Variants in SPDEF observed in about 807,000 individuals in gnomAD.
The protein encoded by SPDEF is SAM pointed domain containing ETS transcription factor.
Under a neutral mutation model 36.0 loss-of-function variants are expected in SPDEF, and 12 were observed. The observed-to-expected ratio is 0.33, with a 90% confidence interval of 0.21 to 0.54. The LOEUF (loss-of-function observed/expected upper bound fraction) is 0.54, where lower values mean the gene tolerates loss of function less well. SPDEF is among the 20% of genes least tolerant of loss of function. The pLI, the probability that SPDEF is intolerant of heterozygous loss-of-function variation, is 0.93. For missense variants in SPDEF, 388 were observed against 456.9 expected, an observed-to-expected ratio of 0.85 and a Z score of 1.37; for synonymous variants, 205 against 193.0, an observed-to-expected ratio of 1.06 and a Z score of -0.51.
chr6:34,553,717 G>C (rs1208006606), intron 1 of SPDEF, among the ~76,000 whole-genome samples: 1 of 152,048 alleles, frequency 6.6e-6, no homozygotes, highest in Non-Finnish European at 1.5e-5. Context: ...GGGAGCAAAG[G>C]AAGAAGCGGA....
Position 34,538,757 on chromosome 6 carries a change from C to T in SPDEF, c.830-305G>A, listed in dbSNP as rs1020455090. ...CCTTAGTGGGTTCCCTGGGGCCCTG[C>T]AGGCCTGGCCCTTGCCAACTCCTGC... On this transcript the variant is annotated intron_variant, in intron 5 of 5. Transcript: ENST00000374037. This position sits in a 1 kb window ranked among gnomAD's most constrained non-coding sequence, Gnocchi z 5.9. Among the ~76,000 whole-genome samples the T allele has an allele frequency of 1.3e-5, 2 of 152,226 alleles. No homozygotes were observed. Among genetic ancestry groups the T allele is most frequent in the Non-Finnish European group, 2.9e-5 (2 of 68,026 alleles).
Position 34,539,453 on chromosome 6 carries a change from T to C in SPDEF, c.683-57A>G. On this transcript the variant is annotated intron_variant, in intron 4 of 5. Coordinates refer to ENST00000374037, the MANE Select transcript of SPDEF (RefSeq NM_012391.3). This position sits in a 1 kb window ranked among gnomAD's most constrained non-coding sequence, Gnocchi z 5.2. The stretch of plus-strand genomic sequence containing the variant: ...GAATGGGAGGCCAGTCCCGGCTTCA[T>C]TGGCAGCCACCCCTCCACCCCACCC... 7 of 1,610,964 alleles carry C rather than the reference T, an allele frequency of 4.3e-6. No individual in the cohort carries two copies. The highest frequency in any genetic ancestry group is 3.3e-5 in the South Asian group (3 of 90,976).
In SPDEF at chr6:34,545,018, CG is replaced by C. The variant is rs1248194254; in HGVS notation, c.-29-535del. On this transcript the variant is annotated intron_variant, in intron 1 of 5. Coordinates refer to ENST00000374037, the MANE Select transcript of SPDEF (RefSeq NM_012391.3). ...CAGGGGAAAGACGAGAGGAACAAGG[CG>C]GGGTAGAAACCCTCCCACACGCCGG... 2.0e-5 allele frequency among the ~76,000 whole-genome samples: 3 copies of C among 152,294 alleles called. No individual in the cohort carries two copies. The South Asian group carries it at 6.2e-4, about 32-fold the overall frequency.
chr6:34,549,143 G>T (rs529161507), intron 1 of SPDEF, among the ~76,000 whole-genome samples: 1 of 152,166 alleles, frequency 6.6e-6, no homozygotes, highest in Admixed American at 6.5e-5. Context: ...CCCAAACCTC[G>T]AGTTGATCTC....
At chr6:34,545,168 G>A (rs935821472) in intron 1 of SPDEF, among the ~76,000 whole-genome samples, 7 of 152,206 alleles carry the variant, frequency 4.6e-5, no homozygotes, top group Non-Finnish European at 2.9e-5. Context: ...CAGGCTGGGT[G>A]CATGGTACCC....
Position 34,555,434 on chromosome 6 carries a change from C to T in SPDEF, c.-30+495G>A, listed in dbSNP as rs1490962060. Among the ~76,000 whole-genome samples, 1 of 152,168 alleles carries T rather than the reference C, an allele frequency of 6.6e-6. No individual in the cohort carries two copies. Among genetic ancestry groups the T allele is most frequent in the Non-Finnish European group, 1.5e-5 (1 of 68,028 alleles). The stretch of plus-strand genomic sequence containing the variant: ...CTACTGGGCTCTGGACCTGTCTCCC[C>T]TGTCCCGAACTGGACCCGGCCTTAG... On this transcript the variant is annotated intron_variant, in intron 1 of 5. Transcript: ENST00000374037. This position sits in a 1 kb window ranked among gnomAD's most constrained non-coding sequence, Gnocchi z 5.2.
intron 2 of SPDEF, 79 bp from the exon 3 acceptor site, chr6:34,541,260 G>A: frequency 7.2e-7 from 1 of 1,395,852 alleles, no homozygotes; most frequent in South Asian, 1.3e-5. Flanking sequence ...ATGGGAACCT[G>A]TGGCCTGAGA....
At position 34,544,629 on chromosome 6, in the gene SPDEF, G is replaced by A. The variant is rs964014406; in HGVS notation, c.-29-145C>T. 2.7e-5 allele frequency: 17 copies of A among 631,456 alleles called. No homozygotes were observed. Among genetic ancestry groups the A allele is most frequent in the African/African-American group, 1.8e-4 (10 of 54,284 alleles). 39.1% of individuals were successfully genotyped at this position (631,456 alleles called of 1,614,324 possible). On this transcript the variant is annotated intron_variant, in intron 1 of 5. Transcript: ENST00000374037. This position sits in a 1 kb window ranked among gnomAD's most constrained non-coding sequence, Gnocchi z 4.4. Reference sequence around the variant, plus strand: ...GGCTTCCGGGTCATTGGGCAGCCACGACATGGTTGGGCAGACAGGCCTTCT... The same window carrying A: ...GGCTTCCGGGTCATTGGGCAGCCACAACATGGTTGGGCAGACAGGCCTTCT...
rs1434904695 is a variant in SPDEF at position 34,538,531 on chromosome 6, G to A, written c.830-79C>T. Reference sequence around the variant, plus strand: ...GAGAAAGACGCAGACCACCAGGTCAGCCTCGTGGCGAACCAAGGGACCCCG... The same window carrying A: ...GAGAAAGACGCAGACCACCAGGTCAACCTCGTGGCGAACCAAGGGACCCCG... On this transcript the variant is annotated intron_variant, in intron 5 of 5. Transcript: ENST00000374037. The surrounding 1 kb of genome is among the most constrained non-coding windows in gnomAD (Gnocchi z 5.9). 3 of 1,451,930 alleles carry A rather than the reference G, an allele frequency of 2.1e-6. No individual in the cohort carries two copies. The highest frequency in any genetic ancestry group is 2.8e-6 in the Non-Finnish European group (3 of 1,072,882). The allele number at this position is 1,451,930 out of a possible 1,614,324, so 89.9% of individuals were successfully genotyped here.
chr6:34,542,607 G>C (rs754333698), intron 2 of SPDEF, among the ~76,000 whole-genome samples: 11 of 152,210 alleles, frequency 7.2e-5, no homozygotes, highest in African/African-American at 2.7e-4. Flanking sequence ...ACTGCTTTTC[G>C]GCCCAGAGAG....
chr6:34,542,904 AAAG>A (rs1198139992), intron 2 of SPDEF, among the ~76,000 whole-genome samples: 3 of 149,352 alleles, frequency 2.0e-5, no homozygotes, highest in South Asian at 2.1e-4. Context: ...AAAAAAAAAA[AAAG>A]AAGAGGCTGG....
intron 1 of SPDEF, among the ~76,000 whole-genome samples, chr6:34,551,083 G>A (rs1445433978): frequency 1.3e-5 from 2 of 152,326 alleles, no homozygotes; most frequent in South Asian, 4.1e-4. Context: ...CTGCTACGGG[G>A]CACCTGTCCA....
chr6:34,543,330 C>T (rs59316688), intron 2 of SPDEF, among the ~76,000 whole-genome samples: 10,164 of 149,666 alleles, frequency 0.068, 657 homozygotes, highest in African/African-American at 0.17. Flanking sequence ...ATGAGCAAAA[C>T]AAATGAAAAT....
rs546640811 is a variant in SPDEF, at chr6:34,552,372, C to T, written c.-30+3557G>A. Among the ~76,000 whole-genome samples, 87 of 152,348 alleles carry T rather than the reference C, an allele frequency of 5.7e-4. 2 individuals carry two copies. Among genetic ancestry groups the T allele is most frequent in the Admixed American group, 5.1e-3 (78 of 15,314 alleles). ...CTGCTCCTGCCTGAGGCCCCTTGGC[C>T]GATCCTCTTGGCCTCAGCCTCTTCA... is the stretch of plus-strand genomic sequence containing the variant. On this transcript the variant is annotated intron_variant, in intron 1 of 5. Transcript: ENST00000374037. The surrounding 1 kb of genome is among the most constrained non-coding windows in gnomAD (Gnocchi z 4.6).
At chr6:34,553,747 G>T (rs1362377067) in intron 1 of SPDEF, among the ~76,000 whole-genome samples, 1 of 152,050 alleles carries the variant, frequency 6.6e-6, no homozygotes, top group Non-Finnish European at 1.5e-5. Context: ...GGAGTAGAGG[G>T]AGTGGGCGAG....
In SPDEF at chr6:34,539,299, G is replaced by A; in HGVS notation, c.780C>T (p.Leu260=). Residue 260 remains leucine, a synonymous_variant, in exon 5 of 6, where the codon CTC becomes CTT. Coordinates refer to ENST00000374037, the MANE Select transcript of SPDEF (RefSeq NM_012391.3). This position sits in a 1 kb window ranked among gnomAD's most constrained non-coding sequence, Gnocchi z 5.2. ...TGAAGCGGCCATAGCTGTGGGGCTT[G>A]AGTAGCAACTCCTTGAGGAACTGCC... The part of the protein sequence containing the change: ...HLWQFLKELL[L]KPHSYGRFIR... The A allele has an allele frequency of 1.2e-6, 2 of 1,613,950 alleles. No homozygotes were observed. The highest frequency in any genetic ancestry group is 1.7e-6 in the Non-Finnish European group (2 of 1,180,040).
chr6:34,553,080 T>C (rs1768096660), intron 1 of SPDEF, among the ~76,000 whole-genome samples: 1 of 152,006 alleles, frequency 6.6e-6, no homozygotes. Context: ...ATCCTGGTGG[T>C]GCGCCGTCAT....
At chr6:34,541,765 G>A (rs1767827570) in intron 2 of SPDEF, among the ~76,000 whole-genome samples, 1 of 152,240 alleles carries the variant, frequency 6.6e-6, no homozygotes, top group African/African-American at 2.4e-5. Context: ...AAATGGCAGG[G>A]CACAGGGTGG....
rs750700055 is a variant in SPDEF at position 34,538,935 on chromosome 6, G to GC, written c.829+314dup. Among the ~76,000 whole-genome samples the GC allele has an allele frequency of 6.6e-6, 1 of 152,194 alleles. No individual in the cohort carries two copies. The highest frequency in any genetic ancestry group is 1.5e-5 in the Non-Finnish European group (1 of 68,032). On this transcript the variant is annotated intron_variant, in intron 5 of 5. Coordinates refer to ENST00000374037, the MANE Select transcript of SPDEF (RefSeq NM_012391.3). The surrounding 1 kb of genome is among the most constrained non-coding windows in gnomAD (Gnocchi z 5.9). The stretch of plus-strand genomic sequence containing the variant: ...CTCTTTGCTATTCTCAGGCAGTTCG[G>GC]CCTGTGCAGCCCTCTCTGGCAGGAT...
Sources: allele counts gnomAD v4.1 joint callset (sites outside exome capture counted in the v4.1 genomes callset), GRCh38; gene constraint gnomAD v4.1.1; non-coding constraint Gnocchi (gnomAD v3.1); transcripts MANE v1.5; gene names NCBI Gene and HGNC (gene_info 2026-07-23, HGNC 2026-07-21).